Variants in VRK1 observed in about 807,000 individuals in gnomAD.
The protein encoded by VRK1 is serine/threonine-protein kinase VRK1.
Under a neutral mutation model 57.1 loss-of-function variants are expected in VRK1, and 33 were observed. That is an observed-to-expected ratio of 0.58 (90% CI 0.44 to 0.77). The LOEUF (loss-of-function observed/expected upper bound fraction) is 0.77, where lower values mean the gene tolerates loss of function less well. Ranked by LOEUF, VRK1 falls within the 30% of genes least tolerant of loss-of-function variation. The pLI, the probability that VRK1 is intolerant of heterozygous loss-of-function variation, is 0.00. For synonymous variants in VRK1, 137 were observed against 147.8 expected (o/e 0.93, Z 0.53); for missense variants, 413 against 477.3 (o/e 0.87, Z 1.25).
intron 1 of VRK1, among the ~76,000 whole-genome samples, chr14:96,808,900 T>C (rs1474724034): frequency 6.6e-6 from 1 of 152,244 alleles, no homozygotes; most frequent in African/African-American, 2.4e-5. Context: ...TTGGTGGTTA[T>C]GGCTTATCAC....
intron 7 of VRK1, among the ~76,000 whole-genome samples, chr14:96,854,500 T>C (rs1888071816): frequency 6.6e-6 from 1 of 152,136 alleles, no homozygotes; most frequent in Admixed American, 6.5e-5. Flanking sequence ...GAATTAGAGA[T>C]GTAATGTGTG....
intron 7 of VRK1, among the ~76,000 whole-genome samples, chr14:96,854,010 C>T (rs539877093): frequency 6.6e-6 from 1 of 152,090 alleles, no homozygotes; most frequent in Non-Finnish European, 1.5e-5. Context: ...GCTCTCTTTT[C>T]TTTTTCTGTC....
intron 11 of VRK1, among the ~76,000 whole-genome samples, chr14:96,873,724 T>C (rs563538412): frequency 1.3e-5 from 2 of 152,332 alleles, no homozygotes; most frequent in South Asian, 2.1e-4. Flanking sequence ...TGGGAGCAGA[T>C]TGCTTAGAAT....
chr14:96,828,051 T>C (rs894558897), intron 1 of VRK1, among the ~76,000 whole-genome samples: 1 of 152,214 alleles, frequency 6.6e-6, no homozygotes, highest in Non-Finnish European at 1.5e-5. Context: ...TGTTTTATTA[T>C]TGAAATTCAT....
chr14:96,879,699 C>T (rs1460155350), intron 12 of VRK1, among the ~76,000 whole-genome samples: 6 of 151,994 alleles, frequency 3.9e-5, no homozygotes, highest in African/African-American at 9.6e-5. Flanking sequence ...GAGGCTGAGG[C>T]GGGTGGATCA....
intron 11 of VRK1, among the ~76,000 whole-genome samples, chr14:96,869,565 G>T (rs1450009712): frequency 6.6e-6 from 1 of 152,144 alleles, no homozygotes; most frequent in Non-Finnish European, 1.5e-5. Flanking sequence ...ATGAAATAAA[G>T]ACTAAAATGT....
intron 1 of VRK1, among the ~76,000 whole-genome samples, chr14:96,815,809 G>A (rs888267432): frequency 4.6e-5 from 7 of 151,726 alleles, no homozygotes; most frequent in Admixed American, 2.0e-4. Flanking sequence ...GAGGTGGGAG[G>A]ATTGCTTAGG....
intron 1 of VRK1, among the ~76,000 whole-genome samples, chr14:96,800,483 G>A (rs2139674387): frequency 6.6e-6 from 1 of 152,162 alleles, no homozygotes; most frequent in East Asian, 1.9e-4. Context: ...CCCATATTAG[G>A]AGTTAGATTT....
In VRK1 at chr14:96,833,535, C is replaced by T; in HGVS notation, c.64C>T (p.Gln22Ter). Residue 22 changes from glutamine (Q) to a stop codon, truncating the protein, a stop_gained, in exon 2 of 13, where the codon CAA becomes TAA. Transcript: ENST00000216639. LOFTEE classifies it high-confidence loss of function. ...CTCTGCAAAGAGACATCTTGCAGAA[C>T]AATTTGCAGTTGGAGAGATAATAAC... ...QSSAKRHLAE[Q>*]FAVGEIITDM... The T allele has an allele frequency of 6.2e-7, 1 of 1,613,776 alleles. No individual in the cohort carries two copies. The highest frequency in any genetic ancestry group is 1.1e-5 in the South Asian group (1 of 91,082).
chr14:96,818,973 A>G (rs1441930818), intron 1 of VRK1, among the ~76,000 whole-genome samples: 1 of 152,212 alleles, frequency 6.6e-6, no homozygotes, highest in African/African-American at 2.4e-5. Context: ...AAATGCATTA[A>G]TCAACTTCTG....
rs554790922 is a variant in VRK1, at chr14:96,841,753, T to C, written c.216+3936T>C. 2.1e-3 allele frequency among the ~76,000 whole-genome samples: 316 copies of C among 151,598 alleles called. 2 individuals carry two copies. Among genetic ancestry groups the C allele is most frequent in the African/African-American group, 7.4e-3 (304 of 41,270 alleles). On this transcript the variant is annotated intron_variant, in intron 3 of 12. Transcript: ENST00000216639. Reference sequence around the variant, plus strand: ...AGGAGGCTGAGGCAGGAGAATCACTTGAAACTGGGAGGCAGAGGTTGCAGT... The same window carrying C: ...AGGAGGCTGAGGCAGGAGAATCACTCGAAACTGGGAGGCAGAGGTTGCAGT...
intron 12 of VRK1, chr14:96,877,718 CAG>C: frequency 8.4e-7 from 1 of 1,191,762 alleles, no homozygotes; most frequent in East Asian, 5.9e-5. Flanking sequence ...AAGTCTAAGG[CAG>C]AGTCTCAGCT....
chr14:96,804,546 A>T (rs1309943447), intron 1 of VRK1, among the ~76,000 whole-genome samples: 1 of 152,200 alleles, frequency 6.6e-6, no homozygotes, highest in Non-Finnish European at 1.5e-5. Context: ...GAAGTAAAGG[A>T]AGGATCATTG....
chr14:96,821,985 A>G (rs1439041847), intron 1 of VRK1, among the ~76,000 whole-genome samples: 1 of 122,602 alleles, frequency 8.2e-6, no homozygotes, highest in Admixed American at 8.0e-5. Flanking sequence ...TTTTTTTTTT[A>G]ACAAGTTTTT....
chr14:96,823,593 T>G (rs1174824460), intron 1 of VRK1, among the ~76,000 whole-genome samples: 2 of 152,256 alleles, frequency 1.3e-5, no homozygotes, highest in Non-Finnish European at 2.9e-5. Context: ...TTTTATCTGC[T>G]GCATCTAGAA....
intron 11 of VRK1, among the ~76,000 whole-genome samples, chr14:96,866,733 A>G (rs1252585264): frequency 2.0e-5 from 3 of 152,168 alleles, no homozygotes; most frequent in Non-Finnish European, 4.4e-5. Context: ...AAAATTTCAG[A>G]ATGGTGTTTG....
chr14:96,877,523 C>A (rs2139849022), intron 12 of VRK1: 1 of 1,289,460 alleles, frequency 7.8e-7, no homozygotes, highest in South Asian at 1.2e-5. Flanking sequence ...TCCCAAGGAG[C>A]AATACATCGA....
At chr14:96,808,773 A>G (rs1886027166) in intron 1 of VRK1, among the ~76,000 whole-genome samples, 1 of 150,236 alleles carries the variant, frequency 6.7e-6, no homozygotes, top group Non-Finnish European at 1.5e-5. Context: ...GTGGTTATCT[A>G]TCCCTGCATA....
chr14:96,862,249 T>C (rs1888420166), intron 11 of VRK1, among the ~76,000 whole-genome samples: 1 of 152,244 alleles, frequency 6.6e-6, no homozygotes, highest in African/African-American at 2.4e-5. Context: ...GTGGTGTCCT[T>C]GGATAGTTCA....
Sources: allele counts gnomAD v4.1 joint callset (sites outside exome capture counted in the v4.1 genomes callset), GRCh38; gene constraint gnomAD v4.1.1; transcripts MANE v1.5; gene names NCBI Gene and HGNC (gene_info 2026-07-23, HGNC 2026-07-21).